Variants in ADCY9 observed in about 807,000 individuals in gnomAD.
The protein encoded by ADCY9 is adenylate cyclase 9, also known as adenylate cyclase type 9.
A neutral mutation model predicts 101.5 loss-of-function variants in ADCY9; 50 were observed. The observed-to-expected ratio is 0.49, with a 90% confidence interval of 0.39 to 0.62. ADCY9 has a LOEUF of 0.62. ADCY9 is among the 20% of genes least tolerant of loss of function. The pLI is 0.00. For missense variants in ADCY9, 1,662 were observed against 1,800.4 expected (o/e 0.92, Z 1.39); for synonymous variants, 905 against 769.3 (o/e 1.18, Z -2.92).
intron 2 of ADCY9, among the ~76,000 whole-genome samples, chr16:4,048,985 A>C (rs1389293074): frequency 6.6e-6 from 1 of 152,140 alleles, no homozygotes; most frequent in East Asian, 1.9e-4. Flanking sequence ...ACTCATAACG[A>C]CCAAGGGTCA....
chr16:4,051,318 G>C (rs2056699796), intron 2 of ADCY9, among the ~76,000 whole-genome samples: 1 of 151,878 alleles, frequency 6.6e-6, no homozygotes, highest in Non-Finnish European at 1.5e-5. Context: ...GAGGTCAGGG[G>C]ATTGAGACCA....
intron 2 of ADCY9, among the ~76,000 whole-genome samples, chr16:4,112,373 T>C (rs2057119189): frequency 6.6e-6 from 1 of 152,148 alleles, no homozygotes; most frequent in Non-Finnish European, 1.5e-5. Flanking sequence ...ACAGCAAAGT[T>C]AGTAAAATAA....
At chr16:4,012,546 A>G (rs2056411161) in intron 2 of ADCY9, among the ~76,000 whole-genome samples, 1 of 151,262 alleles carries the variant, frequency 6.6e-6, no homozygotes, top group African/African-American at 2.4e-5. Flanking sequence ...ATGATTTCTT[A>G]TATTCTTTCC....
In ADCY9 at chr16:3,965,551, G is replaced by C. The variant is rs2055982381; in HGVS notation, c.*224C>G. 1 of 588,190 alleles carries C rather than the reference G, an allele frequency of 1.7e-6. No homozygotes were observed. The highest frequency in any genetic ancestry group is 4.5e-4 in the Middle Eastern group (1 of 2,222). The allele number at this position is 588,190 out of a possible 1,614,324, so 36.4% of individuals were successfully genotyped here. ...CTTGTTCTCCACCACGTGCTGAACG[G>C]ATGACCCAGAGGCAGCGGGGTTTCC... On this transcript the variant is annotated 3_prime_UTR_variant, in exon 11 of 11. Transcript: ENST00000294016.
rs61731448 is a variant in ADCY9, at chr16:3,974,686, G to A, written c.2853C>T (p.Asp951=). 5.0e-5 allele frequency: 80 copies of A among 1,612,694 alleles called. No homozygotes were observed. Among genetic ancestry groups the A allele is most frequent in the Non-Finnish European group, 6.2e-5 (73 of 1,178,994 alleles). ...PDSSVLTSPL[D]AVQNFSSERN... ...AAGCTTACCTGAAATTCTGTACTGCGTCAAGGGGCGAAGTTAATACAGAAC... is the reference window on the plus strand; with the variant it reads ...AAGCTTACCTGAAATTCTGTACTGCATCAAGGGGCGAAGTTAATACAGAAC... The change falls in exon 10 of 11, where the codon GAC becomes GAT. Residue 951 remains aspartate (D), a synonymous_variant. Transcript: ENST00000294016.
intron 2 of ADCY9, among the ~76,000 whole-genome samples, chr16:4,095,052 G>C (rs1206959557): frequency 1.3e-5 from 2 of 148,774 alleles, no homozygotes; most frequent in Non-Finnish European, 1.5e-5. Flanking sequence ...ACCTAGGCTG[G>C]AGTGCAATGG....
At chr16:4,023,321 C>G (rs2056490832) in intron 2 of ADCY9, among the ~76,000 whole-genome samples, 1 of 152,202 alleles carries the variant, frequency 6.6e-6, no homozygotes, top group Non-Finnish European at 1.5e-5. Flanking sequence ...GATTAAGAGC[C>G]AGGAAGAAAG....
In ADCY9 at chr16:4,114,849, G is replaced by T. The variant is rs766268802; in HGVS notation, c.594C>A (p.Val198=). 2 of 1,613,524 alleles carry T rather than the reference G, an allele frequency of 1.2e-6. No individual in the cohort carries two copies. Among genetic ancestry groups the T allele is most frequent in the African/African-American group, 2.7e-5 (2 of 74,962 alleles). Residue 198 remains valine (V), a synonymous_variant, in exon 2 of 11, where the codon GTC becomes GTA. Coordinates refer to ENST00000294016, the MANE Select transcript of ADCY9 (RefSeq NM_001116.4). This position sits in a 1 kb window ranked among gnomAD's most constrained non-coding sequence, Gnocchi z 4.3. ...GGTTGGAGCTGTCGCCGCGTCCTGA[G>T]ACAGGCGTCAAGACCTGGAACTGCG... ...LAAQFQVLTP[V]SGRGDSSNLT...
At chr16:4,002,387 C>T (rs56924460) in intron 3 of ADCY9, among the ~76,000 whole-genome samples, 8,159 of 152,224 alleles carry the variant, frequency 0.054, 385 homozygotes, top group African/African-American at 0.13. Context: ...CATTTAGGGT[C>T]ATTTTCAAAA....
intron 3 of ADCY9, among the ~76,000 whole-genome samples, chr16:4,003,461 C>T (rs2056345189): frequency 6.6e-6 from 1 of 152,182 alleles, no homozygotes; most frequent in Non-Finnish European, 1.5e-5. Context: ...ACCATTCCGG[C>T]TCATCTCCCA....
At position 4,035,367 on chromosome 16, in the gene ADCY9, T is replaced by C. The variant is rs148954061; in HGVS notation, c.1694-27809A>G. 3.1e-3 allele frequency among the ~76,000 whole-genome samples: 475 copies of C among 152,298 alleles called. 3 individuals carry two copies. The highest frequency in any genetic ancestry group is 0.011 in the African/African-American group (463 of 41,554). On this transcript the variant is annotated intron_variant, in intron 2 of 10. Coordinates refer to ENST00000294016, the MANE Select transcript of ADCY9 (RefSeq NM_001116.4). The stretch of plus-strand genomic sequence containing the variant: ...ATTATATCTTAATAATTACTTAATA[T>C]ATAATACACAATGATATGTGGGTAT...
intron 5 of ADCY9, among the ~76,000 whole-genome samples, chr16:3,955,294 G>A (rs999840372): frequency 6.6e-6 from 1 of 151,658 alleles, no homozygotes; most frequent in Non-Finnish European, 1.5e-5. Flanking sequence ...GGAGGTGGAG[G>A]AGAGAGGACC....
At chr16:4,041,462 G>A (rs2056625907) in intron 2 of ADCY9, among the ~76,000 whole-genome samples, 1 of 147,980 alleles carries the variant, frequency 6.8e-6, no homozygotes, top group Non-Finnish European at 1.5e-5. Context: ...TGAGATCACT[G>A]GGCGATCGAG....
chr16:4,104,123 G>C (rs1374667695), intron 2 of ADCY9, among the ~76,000 whole-genome samples: 1 of 152,124 alleles, frequency 6.6e-6, no homozygotes, highest in Admixed American at 6.5e-5. Flanking sequence ...CCATTCCTGG[G>C]AATATGAATG....
At chr16:4,076,821 A>C (rs2141174731) in intron 2 of ADCY9, among the ~76,000 whole-genome samples, 1 of 152,294 alleles carries the variant, frequency 6.6e-6, no homozygotes, top group East Asian at 1.9e-4. Flanking sequence ...TCACGCCTGT[A>C]ATCCCAGCAC....
intron 2 of ADCY9, among the ~76,000 whole-genome samples, chr16:4,015,221 G>A (rs1279658374): frequency 6.6e-6 from 1 of 152,024 alleles, no homozygotes; most frequent in Non-Finnish European, 1.5e-5. Flanking sequence ...GATTACAGGC[G>A]TGAGCGACCG....
intron 2 of ADCY9, among the ~76,000 whole-genome samples, chr16:4,045,901 G>A (rs1026993658): frequency 8.2e-6 from 1 of 122,376 alleles, no homozygotes; most frequent in Admixed American, 1.0e-4. Flanking sequence ...GTAGAGATGA[G>A]GTTTCATCAT....
downstream of ADCY9, among the ~76,000 whole-genome samples, chr16:3,958,563 G>C (rs200706263): frequency 1.7e-5 from 2 of 120,020 alleles, no homozygotes; most frequent in Admixed American, 8.3e-5. Flanking sequence ...AAAAAAAAAA[G>C]AAAAACAAAA....
intron 2 of ADCY9, among the ~76,000 whole-genome samples, chr16:4,083,258 CT>C (rs1567141338): frequency 6.6e-6 from 1 of 151,922 alleles, no homozygotes; most frequent in Non-Finnish European, 1.5e-5. Flanking sequence ...AACATAAAGT[CT>C]TTTTTTTAGA....
Sources: gnomAD v4.1 joint callset for allele counts (sites outside exome capture counted in the v4.1 genomes callset) on GRCh38, gnomAD v4.1.1 for gene constraint, Gnocchi (gnomAD v3.1) non-coding constraint, MANE v1.5 for transcripts, NCBI Gene and HGNC (gene_info 2026-07-23, HGNC 2026-07-21) for gene names.